The following PCDH9 variants were observed in gnomAD, a reference collection of about 807,000 sequenced individuals.
The protein encoded by PCDH9 is protocadherin-9.
PCDH9 carries 24 observed loss-of-function variants against 70.6 expected under a neutral mutation model. The observed-to-expected ratio is 0.34, with a 90% CI of 0.25 to 0.48. The LOEUF is 0.48. Ranked by LOEUF, PCDH9 falls within the 20% of genes least tolerant of loss-of-function variation. PCDH9 has a pLI of 0.99. For synonymous variants in PCDH9, 562 were observed against 558.5 expected (o/e 1.01, Z -0.09); for missense variants, 1,281 against 1,503.6 (o/e 0.85, Z 2.45).
At chr13:66,818,353 T>G (rs1208368821) in intron 3 of PCDH9, among the ~76,000 whole-genome samples, 9 of 152,222 alleles carry the variant, frequency 5.9e-5, no homozygotes, top group African/African-American at 1.9e-4. Context: ...TTTTTTCAAT[T>G]CAAAACATTT....
intron 4 of PCDH9, among the ~76,000 whole-genome samples, chr13:66,512,621 T>C (rs1196349923): frequency 6.6e-6 from 1 of 152,084 alleles, no homozygotes; most frequent in Non-Finnish European, 1.5e-5. Context: ...AGTTTGCCTA[T>C]ATTATTTCGA....
rs558421370 is a variant in PCDH9 at position 67,055,574 on chromosome 13, G to A, written c.3037-151969C>T. 2.0e-5 allele frequency among the ~76,000 whole-genome samples: 3 copies of A among 152,188 alleles called. No homozygotes were observed. The South Asian group carries it at 6.2e-4, about 32-fold the overall frequency. On this transcript the variant is annotated intron_variant, in intron 2 of 4. Coordinates refer to ENST00000377865, the MANE Select transcript of PCDH9 (RefSeq NM_203487.3). ...CGCCTGTAATCCCTGCACTTTGCGA[G>A]GCTGAAGCAGAAGGATCAGTTGAGG...
chr13:66,727,197 G>T (rs892685573), intron 3 of PCDH9, among the ~76,000 whole-genome samples: 2 of 152,070 alleles, frequency 1.3e-5, no homozygotes, highest in Non-Finnish European at 2.9e-5. Flanking sequence ...CCAGTCCAAG[G>T]CTGCAGTGAG....
intron 2 of PCDH9, among the ~76,000 whole-genome samples, chr13:67,166,735 T>A (rs1363920517): frequency 1.3e-5 from 2 of 152,188 alleles, no homozygotes; most frequent in Non-Finnish European, 2.9e-5. Context: ...GTTCTTTCCA[T>A]AGCAAAACGT....
chr13:66,873,990 G>C (rs964318506), intron 3 of PCDH9, among the ~76,000 whole-genome samples: 1 of 136,866 alleles, frequency 7.3e-6, no homozygotes, highest in Non-Finnish European at 1.5e-5. Context: ...CCAGGCTAGA[G>C]AGTGAAGTGG....
chr13:66,813,570 A>T (rs2080550180), intron 3 of PCDH9, among the ~76,000 whole-genome samples: 1 of 152,114 alleles, frequency 6.6e-6, no homozygotes, highest in Admixed American at 6.6e-5. Flanking sequence ...AGATAAACAT[A>T]AACAGTATTT....
intron 3 of PCDH9, among the ~76,000 whole-genome samples, chr13:66,697,798 C>T (rs1241644266): frequency 2.0e-5 from 3 of 152,122 alleles, no homozygotes; most frequent in Non-Finnish European, 4.4e-5. Flanking sequence ...GAAGTGAAAG[C>T]TAGAATTTGA....
At chr13:66,609,080 A>G (rs1566453093) in intron 4 of PCDH9, among the ~76,000 whole-genome samples, 1 of 152,202 alleles carries the variant, frequency 6.6e-6, no homozygotes, top group Non-Finnish European at 1.5e-5. Context: ...ATCATATTGT[A>G]GCATGTAATG....
At chr13:66,491,069 T>C (rs1362298386) in intron 4 of PCDH9, among the ~76,000 whole-genome samples, 1 of 152,228 alleles carries the variant, frequency 6.6e-6, no homozygotes, top group African/African-American at 2.4e-5. Context: ...TCTTAGTTTC[T>C]CCTGAACATC....
chr13:66,493,832 C>T (rs912493135), intron 4 of PCDH9, among the ~76,000 whole-genome samples: 1 of 151,928 alleles, frequency 6.6e-6, no homozygotes, highest in Admixed American at 6.6e-5. Flanking sequence ...GTGAATAAAC[C>T]ATTTAATCAA....
chr13:67,118,145 G>C (rs532877307), intron 2 of PCDH9, among the ~76,000 whole-genome samples: 1 of 152,184 alleles, frequency 6.6e-6, no homozygotes, highest in African/African-American at 2.4e-5. Flanking sequence ...AACAAAAGTT[G>C]CATGCTGTAG....
rs139529728 is a variant in PCDH9, at chr13:66,377,835, A to G, written c.3341-72807T>C. Among the ~76,000 whole-genome samples, 516 of 152,292 alleles carry G rather than the reference A, an allele frequency of 3.4e-3. 1 individual carries two copies. The highest frequency in any genetic ancestry group is 5.1e-3 in the Non-Finnish European group (349 of 68,020). ...TCTTGCTGTCAACCCTGTGTTATCT[A>G]TATGTCCGTCATTCTTTCACCTTAA... On this transcript the variant is annotated intron_variant, in intron 4 of 4. Coordinates refer to ENST00000377865, the MANE Select transcript of PCDH9 (RefSeq NM_203487.3).
In PCDH9 at chr13:66,803,181, A is replaced by G. The variant is rs142735872; in HGVS notation, c.3138+100323T>C. On this transcript the variant is annotated intron_variant, in intron 3 of 4. Transcript: ENST00000377865. ...TCCTGTCCCTAGAGGTATACAACTAATGTGTGCTGTTTGCAGCCCTAGGCC... is the reference window on the plus strand; with the variant it reads ...TCCTGTCCCTAGAGGTATACAACTAGTGTGTGCTGTTTGCAGCCCTAGGCC... Among the ~76,000 whole-genome samples, 41 of 152,284 alleles carry G rather than the reference A, an allele frequency of 2.7e-4. No individual in the cohort carries two copies. In the East Asian group the frequency reaches 7.3e-3, roughly 27 times the overall value.
At chr13:66,675,017 C>T (rs770597393) in intron 3 of PCDH9, among the ~76,000 whole-genome samples, 2 of 151,900 alleles carry the variant, frequency 1.3e-5, no homozygotes, top group Non-Finnish European at 2.9e-5. Context: ...TTTTTATTTA[C>T]GAGTGCAATC....
intron 4 of PCDH9, among the ~76,000 whole-genome samples, chr13:66,586,444 A>G (rs1036271695): frequency 6.6e-6 from 1 of 152,146 alleles, no homozygotes; most frequent in African/African-American, 2.4e-5. Flanking sequence ...GTGTGCACCT[A>G]TTTGCCTTTG....
intron 2 of PCDH9, among the ~76,000 whole-genome samples, chr13:67,076,767 T>C (rs968621901): frequency 6.6e-6 from 1 of 152,142 alleles, no homozygotes. Context: ...AGAAGAATGA[T>C]ATATTTTATT....
chr13:66,455,008 G>T (rs1958290692), intron 4 of PCDH9, among the ~76,000 whole-genome samples: 1 of 151,916 alleles, frequency 6.6e-6, no homozygotes, highest in African/African-American at 2.4e-5. Flanking sequence ...AAAATTACTT[G>T]AGTTGATTTT....
At chr13:66,820,933 C>T (rs190039207) in intron 3 of PCDH9, among the ~76,000 whole-genome samples, 7 of 152,124 alleles carry the variant, frequency 4.6e-5, no homozygotes, top group Non-Finnish European at 4.4e-5. Flanking sequence ...TACAATGAAC[C>T]TCCATGACAC....
chr13:66,632,118 C>T (rs958710093), intron 3 of PCDH9, among the ~76,000 whole-genome samples: 2 of 152,154 alleles, frequency 1.3e-5, no homozygotes, highest in Non-Finnish European at 2.9e-5. Flanking sequence ...TGATCTTGAA[C>T]TCCTGACCTC....
Sources: gnomAD v4.1 joint callset for allele counts (sites outside exome capture counted in the v4.1 genomes callset) on GRCh38, gnomAD v4.1.1 for gene constraint, MANE v1.5 for transcripts, NCBI Gene and HGNC (gene_info 2026-07-23, HGNC 2026-07-21) for gene names.